Variants in CNMD observed in about 807,000 individuals in gnomAD.
CNMD encodes the protein chondromodulin.
CNMD carries 30 observed loss-of-function variants against 37.5 expected under a neutral mutation model. That is an observed-to-expected ratio of 0.80 (90% CI 0.60 to 1.09). CNMD has a LOEUF of 1.09. CNMD is among the 50% of genes least tolerant of loss of function. The probability of loss-of-function intolerance (pLI) is 0.00; values close to 1 mark genes in which losing one functional copy is unlikely to be tolerated. For missense variants in CNMD, 398 were observed against 423.9 expected, an observed-to-expected ratio of 0.94 and a Z score of 0.54; for synonymous variants, 167 against 148.2, an observed-to-expected ratio of 1.13 and a Z score of -0.92.
intron 5 of CNMD, among the ~76,000 whole-genome samples, chr13:52,709,463 T>C (rs1017034403): frequency 6.6e-6 from 1 of 152,248 alleles, no homozygotes; most frequent in African/African-American, 2.4e-5. Context: ...CTTTACAGTT[T>C]GCAAGGGAAA....
intron 3 of CNMD, among the ~76,000 whole-genome samples, chr13:52,728,499 G>T (rs1964612093): frequency 6.6e-6 from 1 of 152,200 alleles, no homozygotes; most frequent in South Asian, 2.1e-4. Flanking sequence ...CAAGCCAAGT[G>T]ATGCTCCACT....
intron 4 of CNMD, among the ~76,000 whole-genome samples, chr13:52,715,313 A>G (rs549398790): frequency 1.3e-5 from 2 of 151,976 alleles, no homozygotes; most frequent in Non-Finnish European, 2.9e-5. Context: ...GCCTCTGGTA[A>G]TCATCCTTCT....
chr13:52,707,051 G>A (rs1964192972), intron 6 of CNMD, among the ~76,000 whole-genome samples: 1 of 151,896 alleles, frequency 6.6e-6, no homozygotes, highest in African/African-American at 2.4e-5. Flanking sequence ...ACGTCACTGT[G>A]CCAGCTAATT....
chr13:52,720,158 C>T (rs757001491), intron 4 of CNMD, among the ~76,000 whole-genome samples: 8 of 152,130 alleles, frequency 5.3e-5, no homozygotes, highest in African/African-American at 9.7e-5. Flanking sequence ...ACGAAGTTCT[C>T]GTGCTGTGTT....
Position 52,739,443 on chromosome 13 carries a change from C to T in CNMD, c.72+187G>A. The stretch of plus-strand genomic sequence containing the variant: ...CGGCCACGGGACGTCCCTCCGCACC[C>T]GCCTGTGGATGCCGTGACCCCTGCA... On this transcript the variant is annotated intron_variant, in intron 1 of 6. Transcript: ENST00000377962. This position sits in a 1 kb window ranked among gnomAD's most constrained non-coding sequence, Gnocchi z 5.4. 1 of 677,652 alleles carries T rather than the reference C, an allele frequency of 1.5e-6. No homozygotes were observed. The highest frequency in any genetic ancestry group is 2.5e-6 in the Non-Finnish European group (1 of 393,506). The allele number at this position is 677,652 out of a possible 1,614,324, so 42.0% of individuals were successfully genotyped here.
chr13:52,704,005 A>G (rs564359152), intron 6 of CNMD, among the ~76,000 whole-genome samples, 195 bp from the exon 7 acceptor site: 1 of 150,114 alleles, frequency 6.7e-6, no homozygotes, highest in South Asian at 2.1e-4. Context: ...GACACCAAGG[A>G]ATCTACACCT....
At chr13:52,734,055 C>G (rs1266176915) in intron 2 of CNMD, among the ~76,000 whole-genome samples, 2 of 152,206 alleles carry the variant, frequency 1.3e-5, no homozygotes, top group Admixed American at 1.3e-4. Flanking sequence ...GGGGCAGGCC[C>G]ATGGTGCTGT....
chr13:52,705,050 C>A (rs1167648673), intron 6 of CNMD, among the ~76,000 whole-genome samples: 1 of 104,726 alleles, frequency 9.5e-6, no homozygotes, highest in Non-Finnish European at 1.9e-5. Context: ...AAGAGTGAAA[C>A]TCTGTCTTGG....
intron 6 of CNMD, among the ~76,000 whole-genome samples, chr13:52,706,880 T>G (rs542869984): frequency 7.8e-4 from 118 of 152,046 alleles, no homozygotes; most frequent in African/African-American, 2.8e-3. Context: ...TTTAAAAAAT[T>G]TCTGCATGTA....
chr13:52,710,453 TC>T (rs1194665137), intron 5 of CNMD, among the ~76,000 whole-genome samples: 1 of 152,236 alleles, frequency 6.6e-6, no homozygotes, highest in African/African-American at 2.4e-5. Flanking sequence ...GTGTCAGCTC[TC>T]CCCGTTCCCC....
intron 6 of CNMD, among the ~76,000 whole-genome samples, chr13:52,704,258 A>G (rs773414792): frequency 3.3e-5 from 5 of 152,200 alleles, no homozygotes; most frequent in Non-Finnish European, 5.9e-5. Flanking sequence ...TTTGAAACTC[A>G]TCAATCTAGG....
chr13:52,704,105 C>G (rs1353017490), intron 6 of CNMD, among the ~76,000 whole-genome samples: 1 of 152,184 alleles, frequency 6.6e-6, no homozygotes, highest in African/African-American at 2.4e-5. Flanking sequence ...ATGGTTACCA[C>G]TTAGTAACTC....
At chr13:52,716,442 G>A (rs1964382942) in intron 4 of CNMD, among the ~76,000 whole-genome samples, 1 of 152,160 alleles carries the variant, frequency 6.6e-6, no homozygotes, top group Non-Finnish European at 1.5e-5. Context: ...GTCCTGAATG[G>A]TATTGCCTAG....
At chr13:52,738,968 G>A in intron 2 of CNMD, 63 bp downstream of exon 2, 1 of 1,386,822 alleles carries the variant, frequency 7.2e-7, no homozygotes, top group Non-Finnish European at 9.3e-7. Flanking sequence ...GCCCGCGCTC[G>A]GGCTCCCCCT....
chr13:52,735,332 T>TGTGA (rs1331609992), intron 2 of CNMD, among the ~76,000 whole-genome samples: 1 of 151,914 alleles, frequency 6.6e-6, no homozygotes, highest in Non-Finnish European at 1.5e-5. Flanking sequence ...GAAACACCCA[T>TGTGA]GTGAGTGTCT....
chr13:52,714,585 A>C (rs1249467263), intron 4 of CNMD, among the ~76,000 whole-genome samples: 1 of 152,206 alleles, frequency 6.6e-6, no homozygotes, highest in East Asian at 1.9e-4. Flanking sequence ...AAAAATAGTT[A>C]TTTTTAATTA....
intron 3 of CNMD, among the ~76,000 whole-genome samples, chr13:52,730,736 G>T (rs1426614406): frequency 6.6e-6 from 1 of 152,196 alleles, no homozygotes; most frequent in East Asian, 1.9e-4. Flanking sequence ...TTGGCTTAAA[G>T]CAACAGCACT....
intron 5 of CNMD, among the ~76,000 whole-genome samples, chr13:52,709,480 G>A (rs746315357): frequency 1.3e-4 from 20 of 152,140 alleles, no homozygotes; most frequent in Non-Finnish European, 2.9e-4. Flanking sequence ...GAAATATCTT[G>A]GTTTATTCTT....
intron 6 of CNMD, among the ~76,000 whole-genome samples, chr13:52,705,415 ATATT>A (rs1263558259): frequency 2.6e-5 from 4 of 152,208 alleles, no homozygotes; most frequent in African/African-American, 7.2e-5. Flanking sequence ...TGTCATCAAA[ATATT>A]TATTATCTTA....
Sources: gnomAD v4.1 joint callset for allele counts (sites outside exome capture counted in the v4.1 genomes callset) on GRCh38, gnomAD v4.1.1 for gene constraint, Gnocchi (gnomAD v3.1) non-coding constraint, MANE v1.5 for transcripts, NCBI Gene and HGNC (gene_info 2026-07-23, HGNC 2026-07-21) for gene names.